The following MYH10 variants were observed in gnomAD, a reference collection of about 807,000 sequenced individuals.
MYH10 encodes the protein myosin-10.
Under a neutral mutation model 257.8 loss-of-function variants are expected in MYH10, and 55 were observed. The observed-to-expected ratio is 0.21, with a 90% CI of 0.17 to 0.27. The LOEUF (loss-of-function observed/expected upper bound fraction) is 0.27. Ranked by LOEUF, MYH10 falls within the 10% of genes least tolerant of loss-of-function variation. MYH10 has a pLI of 1.00. For missense variants in MYH10, 1,631 were observed against 2,500.6 expected (o/e 0.65, Z 7.42); for synonymous variants, 854 against 921.7 (o/e 0.93, Z 1.33).
chr17:8,605,008 T>TAAA, intron 2 of MYH10, 26 bp from the exon 3 acceptor site: 3 of 1,194,148 alleles, frequency 2.5e-6, no homozygotes, highest in Non-Finnish European at 3.4e-6. Flanking sequence ...AATAGAGTAT[T>TAAA]AAAAAAAAAA....
At chr17:8,567,955 C>T (rs988404404) in intron 7 of MYH10, among the ~76,000 whole-genome samples, 1 of 152,158 alleles carries the variant, frequency 6.6e-6, no homozygotes, top group Non-Finnish European at 1.5e-5. Flanking sequence ...TATTCCCAAC[C>T]TCCTTGGACC....
intron 36 of MYH10, among the ~76,000 whole-genome samples, chr17:8,484,581 T>TC (rs1178418701): frequency 6.6e-6 from 1 of 152,174 alleles, no homozygotes. Flanking sequence ...GCAAAAATCT[T>TC]CAACAGAATA....
intron 9 of MYH10, among the ~76,000 whole-genome samples, chr17:8,550,497 AC>A (rs2082600188): frequency 6.8e-6 from 1 of 147,314 alleles, no homozygotes; most frequent in Non-Finnish European, 1.5e-5. Context: ...CCCGGCAGCC[AC>A]CCCGTCCGGG....
At position 8,508,578 on chromosome 17, in the gene MYH10, C is replaced by G; in HGVS notation, c.3190G>C (p.Glu1064Gln). The change falls in exon 26 of 43, where the codon GAA (glutamate) becomes CAA (glutamine). Residue 1064 changes from glutamate (E) to glutamine (Q), a missense_variant. Transcript: ENST00000360416. ...CCTTCTAAATCTGAGATCATCACTT[C>G]TTGCTTATTCCTGATTTTGGCCAAG... The part of the protein sequence containing the change: ...KNLAKIRNKQ[E>Q]VMISDLEERL... 2 of 1,614,148 alleles carry G rather than the reference C, an allele frequency of 1.2e-6. No homozygotes were observed. Among genetic ancestry groups the G allele is most frequent in the Admixed American group, 1.7e-5 (1 of 60,024 alleles).
intron 11 of MYH10, among the ~76,000 whole-genome samples, chr17:8,547,592 C>T (rs917726926): frequency 4.6e-5 from 7 of 151,618 alleles, no homozygotes; most frequent in Non-Finnish European, 8.8e-5. Context: ...TGTCAGCCTT[C>T]ACCCGCCACA....
Position 8,552,124 on chromosome 17 carries a change from C to A in MYH10, c.841G>T (p.Ala281Ser). Residue 281 changes from alanine to serine, a missense_variant, in exon 9 of 43, where the codon GCT becomes TCT. Ala to Ser is a moderately conservative substitution (Grantham distance 99). Transcript: ENST00000360416. The surrounding 1 kb of genome is among the most constrained non-coding windows in gnomAD (Gnocchi z 4.8). ...IETYLLEKSR[A>S]VRQAKDERTF... The stretch of plus-strand genomic sequence containing the variant: ...CGTTCATCTTTTGCTTGACGAACAG[C>A]ACGAGACTTTTCCAGAAGGTCTGAG... 6.4e-7 allele frequency: 1 copy of A among 1,556,628 alleles called. No homozygotes were observed. Among genetic ancestry groups the A allele is most frequent in the Non-Finnish European group, 8.7e-7 (1 of 1,147,120 alleles).
chr17:8,577,165 G>A, intron 5 of MYH10, 71 bp downstream of exon 5: 2 of 1,252,134 alleles, frequency 1.6e-6, no homozygotes, highest in Non-Finnish European at 1.1e-6. Context: ...GAGTAGACTG[G>A]CTTCCTTATT....
Position 8,545,407 on chromosome 17 carries a change from A to T in MYH10, c.1431+41T>A. On this transcript the variant is annotated intron_variant, in intron 13 of 42. Transcript: ENST00000360416. The surrounding 1 kb of genome is among the most constrained non-coding windows in gnomAD (Gnocchi z 4.7). Reference sequence around the variant, plus strand: ...GCCTTCATATTTGTTAAAAGAACAAACAAAAAGAAGGACGAGCTAGAGGAA... The same window carrying T: ...GCCTTCATATTTGTTAAAAGAACAATCAAAAAGAAGGACGAGCTAGAGGAA... The T allele has an allele frequency of 6.2e-7, 1 of 1,605,170 alleles. No homozygotes were observed. Among genetic ancestry groups the T allele is most frequent in the African/African-American group, 1.3e-5 (1 of 74,296 alleles).
At chr17:8,561,228 A>G in intron 7 of MYH10, 1 of 815,158 alleles carries the variant, frequency 1.2e-6, no homozygotes, top group Non-Finnish European at 2.2e-6. Context: ...CGTGCCTCCA[A>G]GATGACAAAG....
In MYH10 at chr17:8,530,615, A is replaced by C; in HGVS notation, c.1957+8T>G. 1 of 1,531,340 alleles carries C rather than the reference A, an allele frequency of 6.5e-7. No individual in the cohort carries two copies. Among genetic ancestry groups the C allele is most frequent in the Non-Finnish European group, 8.8e-7 (1 of 1,135,352 alleles). 94.9% of individuals were successfully genotyped at this position (1,531,340 alleles called of 1,614,324 possible). ...GTTTTGGAAGACCTACAGGCTTTATACATTCACCTGGTGGCTCATGAAGAC... is the reference window on the plus strand; with the variant it reads ...GTTTTGGAAGACCTACAGGCTTTATCCATTCACCTGGTGGCTCATGAAGAC... On this transcript the variant is annotated splice_region_variant and intron_variant, in intron 17 of 42. Transcript: ENST00000360416.
rs751742846 is a variant in MYH10, at chr17:8,506,349, T to C, written c.3355A>G (p.Lys1119Glu). ...AGTGCGCCCTGCAGCTCCTCCTCCTTCTTGGCCAGCTGCAGCTTGAGCTCA... is the reference window on the plus strand; with the variant it reads ...AGTGCGCCCTGCAGCTCCTCCTCCTCCTTGGCCAGCTGCAGCTTGAGCTCA... Reference protein sequence around the residue: ...IDELKLQLAKKEEELQGALAR... With the variant: ...IDELKLQLAKEEEELQGALAR... Residue 1119 changes from lysine (K) to glutamate (E), a missense_variant, in exon 27 of 43, where the codon AAG becomes GAG. This residue lies in a region of MYH10 where 169 missense variants were observed against 249.8 expected (regional missense o/e 0.68). Transcript: ENST00000360416. The surrounding 1 kb of genome is among the most constrained non-coding windows in gnomAD (Gnocchi z 5.0). 18 of 1,606,212 alleles carry C rather than the reference T, an allele frequency of 1.1e-5. No homozygotes were observed. Among genetic ancestry groups the C allele is most frequent in the South Asian group, 2.2e-5 (2 of 89,590 alleles).
chr17:8,628,784 T>C (rs937824434), intron 1 of MYH10, among the ~76,000 whole-genome samples: 4 of 152,200 alleles, frequency 2.6e-5, no homozygotes, highest in African/African-American at 9.7e-5. Flanking sequence ...ATAAAGTGCA[T>C]AAACCGCTGA....
At chr17:8,570,145 C>T (rs560638646) in intron 6 of MYH10, among the ~76,000 whole-genome samples, 10 of 152,300 alleles carry the variant, frequency 6.6e-5, no homozygotes, top group African/African-American at 2.2e-4. Context: ...AAATTTAGCA[C>T]GACACTTCAA....
At chr17:8,604,386 C>G (rs2084720207) in intron 3 of MYH10, among the ~76,000 whole-genome samples, 1 of 152,186 alleles carries the variant, frequency 6.6e-6, no homozygotes, top group Non-Finnish European at 1.5e-5. Context: ...AATCAACCAA[C>G]TTAACACATG....
rs1322439298 is a variant in MYH10 at position 8,569,152 on chromosome 17, T to C, written c.756+568A>G. Among the ~76,000 whole-genome samples the C allele has an allele frequency of 1.3e-5, 2 of 150,796 alleles. No individual in the cohort carries two copies. The highest frequency in any genetic ancestry group is 2.4e-5 in the African/African-American group (1 of 40,988). ...AAGGAGGATGCCTTGAGACCAGGAG[T>C]TGGTGGCTGCAGTGAGCTATGACTG... On this transcript the variant is annotated intron_variant, in intron 7 of 42. Transcript: ENST00000360416. The surrounding 1 kb of genome is among the most constrained non-coding windows in gnomAD (Gnocchi z 4.1).
rs1006334536 is a variant in MYH10 at position 8,569,122 on chromosome 17, T to A, written c.756+598A>T. On this transcript the variant is annotated intron_variant, in intron 7 of 42. Transcript: ENST00000360416. This position sits in a 1 kb window ranked among gnomAD's most constrained non-coding sequence, Gnocchi z 4.1. ...CTGTAGTCCCGGCTCCTTGGGAGAC[T>A]GAGGAAGGAGGATGCCTTGAGACCA... 2.6e-5 allele frequency among the ~76,000 whole-genome samples: 4 copies of A among 151,456 alleles called. No homozygotes were observed. The South Asian group carries it at 8.4e-4, about 32-fold the overall frequency.
At chr17:8,544,314 T>C (rs2082381209) in intron 13 of MYH10, among the ~76,000 whole-genome samples, 1 of 152,226 alleles carries the variant, frequency 6.6e-6, no homozygotes, top group Non-Finnish European at 1.5e-5. Flanking sequence ...AGCAGCACTG[T>C]AAAGTTGCCT....
At position 8,587,072 on chromosome 17, in the gene MYH10, C is replaced by T. The variant is rs183227533; in HGVS notation, c.530+2009G>A. ...AGCTTGCCCTCTTGCTGCTGTTGAA[C>T]GCTGCTACCACGTTAAAAGCCAGGG... On this transcript the variant is annotated intron_variant, in intron 4 of 42. Transcript: ENST00000360416. 1.8e-3 allele frequency among the ~76,000 whole-genome samples: 279 copies of T among 152,254 alleles called. 4 individuals carry two copies. Among genetic ancestry groups the T allele is most frequent in the African/African-American group, 6.5e-3 (269 of 41,540 alleles).
chr17:8,545,662 G>A lies in MYH10; in HGVS notation c.1279-62C>T. On this transcript the variant is annotated intron_variant, in intron 12 of 42. Coordinates refer to ENST00000360416, the MANE Select transcript of MYH10 (RefSeq NM_001256012.3). The surrounding 1 kb of genome is among the most constrained non-coding windows in gnomAD (Gnocchi z 4.7). ...CAATCTCAACAAAGCATAAATAGCT[G>A]TTTTACGGAATTTAATGTTATACAG... 6.5e-7 allele frequency: 1 copy of A among 1,546,536 alleles called. No individual in the cohort carries two copies.
Sources: allele counts gnomAD v4.1 joint callset (sites outside exome capture counted in the v4.1 genomes callset), GRCh38; gene constraint gnomAD v4.1.1; regional missense constraint gnomAD v4.1.1; non-coding constraint Gnocchi (gnomAD v3.1); transcripts MANE v1.5; gene names NCBI Gene and HGNC (gene_info 2026-07-23, HGNC 2026-07-21).